Variants in SPMIP3 observed in about 807,000 individuals in gnomAD.
The protein encoded by SPMIP3 is sperm microtubule inner protein 3, also known as protein SPMIP3.
the SPMIP3 span, among the ~76,000 whole-genome samples, chr1:244,368,221 A>G: frequency 6.6e-6 from 1 of 152,204 alleles, no homozygotes; most frequent in Admixed American, 6.5e-5. Flanking sequence ...GGCCTCCCAA[A>G]GTGCTGGGAT....
chr1:244,370,208 C>G, the SPMIP3 span, among the ~76,000 whole-genome samples: 2 of 152,188 alleles, frequency 1.3e-5, no homozygotes, highest in Non-Finnish European at 2.9e-5. Flanking sequence ...CTCGTTTACT[C>G]TCATGCAATC....
chr1:244,373,332 TTATA>T, the SPMIP3 span, among the ~76,000 whole-genome samples: 3 of 85,144 alleles, frequency 3.5e-5, 1 homozygote, highest in Admixed American at 2.2e-4. Flanking sequence ...CAAAAAAAAA[TTATA>T]TATATATATA....
At chr1:244,360,549 CACACACACATGCATGCAT>C in the SPMIP3 span, among the ~76,000 whole-genome samples, 17 of 58,022 alleles carry the variant, frequency 2.9e-4, no homozygotes, top group South Asian at 0.013. Flanking sequence ...CACACACACA[CACACACACATGCATGCAT>C]GGAATATTAT....
At chr1:244,371,855 T>C in the SPMIP3 span, among the ~76,000 whole-genome samples, 3 of 152,228 alleles carry the variant, frequency 2.0e-5, no homozygotes, top group African/African-American at 7.2e-5. Flanking sequence ...ATTTGTTCCC[T>C]TTATTGTGCC....
At chr1:244,360,061 A>G in the SPMIP3 span, among the ~76,000 whole-genome samples, 3 of 152,176 alleles carry the variant, frequency 2.0e-5, no homozygotes, top group Non-Finnish European at 2.9e-5. Flanking sequence ...GTGAGCCAAC[A>G]TCGCACCACT....
At chr1:244,389,123 T>A in the SPMIP3 span, 1 of 1,316,058 alleles carries the variant, frequency 7.6e-7, no homozygotes, top group Non-Finnish European at 1.1e-6. Context: ...CCTTTTAGAC[T>A]AAGTTAATGG....
the SPMIP3 span, chr1:244,364,876 G>A: frequency 9.1e-7 from 1 of 1,098,112 alleles, no homozygotes; most frequent in Non-Finnish European, 1.4e-6. Context: ...GGAGTTCTAG[G>A]GAAGCTCTTT....
chr1:244,372,435 T>C, the SPMIP3 span, among the ~76,000 whole-genome samples: 1 of 148,332 alleles, frequency 6.7e-6, no homozygotes, highest in Non-Finnish European at 1.5e-5. Context: ...TACTTTCTAC[T>C]GACTCTGAAT....
chr1:244,389,239 G>A, the SPMIP3 span: 40 of 529,504 alleles, frequency 7.6e-5, no homozygotes, highest in South Asian at 7.9e-4. Context: ...TTAGAACAGG[G>A]AATCAAGATC....
At chr1:244,382,805 T>C in the SPMIP3 span, among the ~76,000 whole-genome samples, 1 of 151,958 alleles carries the variant, frequency 6.6e-6, no homozygotes, top group East Asian at 1.9e-4. Context: ...GGTTTCACCA[T>C]GTTGGACAGG....
chr1:244,382,749 G>A, the SPMIP3 span, among the ~76,000 whole-genome samples: 14 of 151,644 alleles, frequency 9.2e-5, no homozygotes, highest in Admixed American at 5.9e-4. Context: ...GACTACAGGC[G>A]CGCACCACCA....
At chr1:244,384,494 A>C in the SPMIP3 span, among the ~76,000 whole-genome samples, 1 of 152,148 alleles carries the variant, frequency 6.6e-6, no homozygotes, top group Non-Finnish European at 1.5e-5. Flanking sequence ...ATGAGCCACC[A>C]CACCTGGCCA....
chr1:244,357,674 C>G, the SPMIP3 span, among the ~76,000 whole-genome samples: 4 of 141,440 alleles, frequency 2.8e-5, no homozygotes, highest in Non-Finnish European at 4.5e-5. Flanking sequence ...TGCCACTGCA[C>G]TCCAGCCTGG....
chr1:244,369,453 T>C, the SPMIP3 span, among the ~76,000 whole-genome samples: 2 of 152,220 alleles, frequency 1.3e-5, no homozygotes, highest in East Asian at 1.9e-4. Context: ...AGCAGCGTCA[T>C]TTCTCTGGGG....
At chr1:244,365,180 C>T in the SPMIP3 span, among the ~76,000 whole-genome samples, 1 of 152,204 alleles carries the variant, frequency 6.6e-6, no homozygotes, top group Admixed American at 6.5e-5. Context: ...AAGGGCAGAA[C>T]TTACAGTAAG....
chr1:244,374,753 C>T, the SPMIP3 span, among the ~76,000 whole-genome samples: 2 of 151,834 alleles, frequency 1.3e-5, no homozygotes, highest in Admixed American at 6.6e-5. Flanking sequence ...TGTGCCACCA[C>T]GTCCAGCTTT....
the SPMIP3 span, among the ~76,000 whole-genome samples, chr1:244,359,525 C>G: frequency 6.6e-6 from 1 of 151,980 alleles, no homozygotes; most frequent in Non-Finnish European, 1.5e-5. Context: ...AGTTCGAGAC[C>G]AGCCTAGCCA....
At chr1:244,378,203 T>C in the SPMIP3 span, among the ~76,000 whole-genome samples, 4 of 151,846 alleles carry the variant, frequency 2.6e-5, no homozygotes, top group Admixed American at 6.6e-5. Context: ...TGTGCACGGG[T>C]GGATCTAGTG....
At chr1:244,381,829 G>A in the SPMIP3 span, among the ~76,000 whole-genome samples, 1 of 152,228 alleles carries the variant, frequency 6.6e-6, no homozygotes, top group Non-Finnish European at 1.5e-5. Context: ...TACCTGGGAG[G>A]CTGAGGCAGG....
Sources: gnomAD v4.1 joint callset for allele counts (sites outside exome capture counted in the v4.1 genomes callset) on GRCh38, gnomAD v4.1.1 for gene constraint, MANE v1.5 for transcripts, NCBI Gene and HGNC (gene_info 2026-07-23, HGNC 2026-07-21) for gene names.